The following COL19A1 variants were observed in gnomAD, a reference collection of about 807,000 sequenced individuals.
COL19A1 encodes the protein collagen type XIX alpha 1 chain.
Under a neutral mutation model 190.2 loss-of-function variants are expected in COL19A1, and 159 were observed. The observed-to-expected ratio is 0.84, with a 90% confidence interval of 0.73 to 0.95. The LOEUF (loss-of-function observed/expected upper bound fraction) is 0.95, where lower values mean the gene tolerates loss of function less well. Ranked by LOEUF, COL19A1 falls within the 40% of genes least tolerant of loss-of-function variation. The pLI is 0.00. For missense variants in COL19A1, 1,418 were observed against 1,431.9 expected, an observed-to-expected ratio of 0.99 and a Z score of 0.16; for synonymous variants, 509 against 458.9, an observed-to-expected ratio of 1.11 and a Z score of -1.39.
At chr6:70,001,848 AC>A (rs1230817207) in intron 11 of COL19A1, among the ~76,000 whole-genome samples, 36 of 152,046 alleles carry the variant, frequency 2.4e-4, no homozygotes, top group African/African-American at 8.2e-4. Context: ...CTATTTGAAT[AC>A]CCTTTATTTC....
At chr6:70,145,849 T>C (rs1786602650) in intron 25 of COL19A1, among the ~76,000 whole-genome samples, 1 of 151,342 alleles carries the variant, frequency 6.6e-6, no homozygotes, top group African/African-American at 2.4e-5. Flanking sequence ...GCCTCCTGAA[T>C]AGTGGTGACA....
intron 14 of COL19A1, among the ~76,000 whole-genome samples, chr6:70,051,545 G>T (rs1485218414): frequency 6.6e-6 from 1 of 152,130 alleles, no homozygotes; most frequent in East Asian, 1.9e-4. Context: ...AAAATGGATT[G>T]CAGGCAAACT....
chr6:70,129,058 T>A (rs1475061507), intron 17 of COL19A1, among the ~76,000 whole-genome samples: 1 of 152,158 alleles, frequency 6.6e-6, no homozygotes, highest in African/African-American at 2.4e-5. Flanking sequence ...CAAATACAGA[T>A]TTTCTAAAGC....
chr6:69,930,031 A>G (rs1181289672), intron 6 of COL19A1, among the ~76,000 whole-genome samples: 2 of 152,202 alleles, frequency 1.3e-5, no homozygotes, highest in Non-Finnish European at 2.9e-5. Flanking sequence ...TATGTTTTAA[A>G]TAGAAAGGGC....
intron 15 of COL19A1, among the ~76,000 whole-genome samples, chr6:70,080,772 C>A (rs190161135): frequency 6.6e-6 from 1 of 152,216 alleles, no homozygotes; most frequent in East Asian, 1.9e-4. Flanking sequence ...TGTATCGTTT[C>A]CAAGCGAGGA....
intron 11 of COL19A1, among the ~76,000 whole-genome samples, chr6:69,965,246 C>G (rs1419061630): frequency 6.6e-6 from 1 of 152,134 alleles, no homozygotes; most frequent in Non-Finnish European, 1.5e-5. Context: ...TCACCAGTTG[C>G]AAAATACAAT....
At chr6:70,154,422 T>G (rs576070730) in intron 31 of COL19A1, among the ~76,000 whole-genome samples, 71 of 152,246 alleles carry the variant, frequency 4.7e-4, no homozygotes, top group African/African-American at 1.7e-3. Flanking sequence ...TAAACATACG[T>G]GTGCATGTGT....
intron 10 of COL19A1, among the ~76,000 whole-genome samples, chr6:69,961,757 G>A (rs1011049481): frequency 2.5e-4 from 38 of 151,588 alleles, no homozygotes; most frequent in African/African-American, 9.2e-4. Context: ...ATCTAATTAT[G>A]TATACTATTT....
chr6:69,921,481 T>TATATATTTATATATATTC (rs1771893755), intron 4 of COL19A1, among the ~76,000 whole-genome samples: 2 of 86,434 alleles, frequency 2.3e-5, no homozygotes, highest in African/African-American at 1.2e-4. Context: ...CATATATTCA[T>TATATATTTATATATATTC]ATATATTCAT....
intron 1 of COL19A1, among the ~76,000 whole-genome samples, chr6:69,876,039 A>T (rs1768109612): frequency 6.6e-6 from 1 of 152,114 alleles, no homozygotes; most frequent in South Asian, 2.1e-4. Context: ...GAGGCCAATA[A>T]AAGAGAGTTT....
intron 2 of COL19A1, among the ~76,000 whole-genome samples, chr6:69,897,241 TCCCACTGAA>T (rs1769844875): frequency 1.3e-5 from 2 of 152,300 alleles, no homozygotes; most frequent in African/African-American, 4.8e-5. Context: ...ACCATCCATT[TCCCACTGAA>T]TCAAGTGGCC....
intron 49 of COL19A1, among the ~76,000 whole-genome samples, chr6:70,205,714 G>A (rs915370631): frequency 6.6e-6 from 1 of 152,188 alleles, no homozygotes. Flanking sequence ...AGATAAAAAT[G>A]CTTTATGCTT....
chr6:69,903,719 C>T (rs913460873), intron 4 of COL19A1, among the ~76,000 whole-genome samples: 2 of 152,176 alleles, frequency 1.3e-5, no homozygotes, highest in African/African-American at 4.8e-5. Context: ...CCGTGCACTG[C>T]CATAGGCCCT....
intron 12 of COL19A1, 48 bp downstream of exon 12, chr6:70,023,728 A>G (rs763628770): frequency 6.5e-7 from 1 of 1,533,316 alleles, no homozygotes; most frequent in South Asian, 1.2e-5. Flanking sequence ...TTTACCACTA[A>G]GATATGCTAT....
chr6:70,110,504 G>A (rs538932521), intron 16 of COL19A1, among the ~76,000 whole-genome samples: 2 of 152,296 alleles, frequency 1.3e-5, no homozygotes, highest in Non-Finnish European at 1.5e-5. Context: ...ATGGAGACAT[G>A]GCTAGTTAAT....
rs565390564 is a variant in COL19A1, at chr6:69,968,368, A to G, written c.1026+5498A>G. 5.9e-5 allele frequency among the ~76,000 whole-genome samples: 9 copies of G among 152,268 alleles called. 1 individual carries two copies. The South Asian group carries it at 1.0e-3, about 18-fold the overall frequency. On this transcript the variant is annotated intron_variant, in intron 11 of 50. Transcript: ENST00000620364. ...TATCAGCAATTATGATATGTCTCAT[A>G]TAGTCCTAGGCTCATAAGCTTGTTG... is the stretch of plus-strand genomic sequence containing the variant.
chr6:70,142,595 G>T (rs1786331826), intron 22 of COL19A1, among the ~76,000 whole-genome samples, 172 bp from the exon 23 acceptor site: 1 of 152,112 alleles, frequency 6.6e-6, no homozygotes, highest in Non-Finnish European at 1.5e-5. Flanking sequence ...AACTATCTTG[G>T]TAATCACAAA....
rs575868984 is a variant in COL19A1, at chr6:69,914,761, C to A, written c.267-13148C>A. Among the ~76,000 whole-genome samples, 40 of 152,244 alleles carry A rather than the reference C, an allele frequency of 2.6e-4. 1 individual carries two copies. The highest frequency in any genetic ancestry group is 9.6e-4 in the African/African-American group (40 of 41,560). On this transcript the variant is annotated intron_variant, in intron 4 of 50. Coordinates refer to ENST00000620364, the MANE Select transcript of COL19A1 (RefSeq NM_001858.6). ...TTTGAGCTGGTTGAAGAATTACCTCCGGAACCACTGTAATCAGTAATTAAA... is the reference window on the plus strand; with the variant it reads ...TTTGAGCTGGTTGAAGAATTACCTCAGGAACCACTGTAATCAGTAATTAAA...
chr6:70,025,985 AC>A (rs1427770913), intron 12 of COL19A1, among the ~76,000 whole-genome samples: 2 of 152,202 alleles, frequency 1.3e-5, no homozygotes, highest in Admixed American at 1.3e-4. Flanking sequence ...GAGTGTTCAA[AC>A]AGATTAATTA....
Sources: gnomAD v4.1 joint callset for allele counts (sites outside exome capture counted in the v4.1 genomes callset) on GRCh38, gnomAD v4.1.1 for gene constraint, MANE v1.5 for transcripts, NCBI Gene and HGNC (gene_info 2026-07-23, HGNC 2026-07-21) for gene names.